KCNJ5: variants seen among roughly 807,000 people sequenced by gnomAD.
KCNJ5 encodes the protein G protein-activated inward rectifier potassium channel 4.
In KCNJ5, 12 loss-of-function variants were observed where a neutral mutation model predicts 20.2. That is an observed-to-expected ratio of 0.59 (90% CI 0.38 to 0.96). The LOEUF (loss-of-function observed/expected upper bound fraction) is 0.96. Among genes scored for constraint, KCNJ5 ranks in the 40% least tolerant of loss-of-function variants. The pLI is 0.00. For missense variants in KCNJ5, 449 were observed against 557.6 expected (o/e 0.81, Z 1.96); for synonymous variants, 210 against 213.9 (o/e 0.98, Z 0.16).
chr11:128,895,390 C>A (rs546132332), intron 1 of KCNJ5, among the ~76,000 whole-genome samples: 2 of 146,694 alleles, frequency 1.4e-5, no homozygotes, highest in African/African-American at 2.5e-5. Flanking sequence ...CCACCCCCCC[C>A]CCAACCCCAG....
At position 128,919,090 on chromosome 11, in the gene KCNJ5, C is replaced by T. The variant is rs1326772647; in HGVS notation, c.*2359C>T. 6.6e-6 allele frequency: 1 copy of T among 152,422 alleles called. No homozygotes were observed. Among genetic ancestry groups the T allele is most frequent in the Non-Finnish European group, 1.5e-5 (1 of 68,214 alleles). The allele number at this position is 152,422 out of a possible 1,614,324, so 9.4% of individuals were successfully genotyped here. On this transcript the variant is annotated 3_prime_UTR_variant, in exon 3 of 3. Coordinates refer to ENST00000529694, the MANE Select transcript of KCNJ5 (RefSeq NM_000890.5). ...CAGGGTTACTAACAGCAAAACCATT[C>T]CACACCCCCTTGCCAGATCTAAGCC...
chr11:128,911,717 A>T lies in KCNJ5; in HGVS notation c.444A>T (p.Thr148=). 1 of 1,614,160 alleles carries T rather than the reference A, an allele frequency of 6.2e-7. No homozygotes were observed. The highest frequency in any genetic ancestry group is 2.2e-5 in the East Asian group (1 of 44,876). ...TCCTGTTCTCCATTGAGACCGAAAC[A>T]ACCATTGGGTATGGCTTCCGAGTCA... ...SAFLFSIETE[T]TIGYGFRVIT... is the part of the protein sequence containing the mutation. The change falls in exon 2 of 3, where the codon ACA becomes ACT. Residue 148 remains threonine, a synonymous_variant. Coordinates refer to ENST00000529694, the MANE Select transcript of KCNJ5 (RefSeq NM_000890.5). The surrounding 1 kb of genome is among the most constrained non-coding windows in gnomAD (Gnocchi z 6.3).
chr11:128,907,461 T>C (rs1255544961), intron 1 of KCNJ5, among the ~76,000 whole-genome samples: 1 of 152,250 alleles, frequency 6.6e-6, no homozygotes, highest in Non-Finnish European at 1.5e-5. Flanking sequence ...CACTAACGCA[T>C]CATCTGAAAT....
intron 1 of KCNJ5, among the ~76,000 whole-genome samples, chr11:128,894,876 G>A (rs562304154): frequency 2.6e-5 from 4 of 152,304 alleles, no homozygotes; most frequent in South Asian, 4.1e-4. Flanking sequence ...GCCAAGAGCC[G>A]TGCTAAGTTA....
Position 128,896,756 on chromosome 11 carries a change from A to C in KCNJ5, c.-11+5035A>C, listed in dbSNP as rs185361063. Among the ~76,000 whole-genome samples the C allele has an allele frequency of 1.7e-3, 263 of 152,316 alleles. No homozygotes were observed. In the Middle Eastern group the frequency reaches 0.031, roughly 18 times the overall value. The stretch of plus-strand genomic sequence containing the variant: ...TCTGGGATGTTTTCACTTTGGGACT[A>C]TTATGAATAAAGTTGCTATAAGCAT... On this transcript the variant is annotated intron_variant, in intron 1 of 2. Transcript: ENST00000529694.
At chr11:128,896,325 T>C (rs967362357) in intron 1 of KCNJ5, among the ~76,000 whole-genome samples, 7 of 151,172 alleles carry the variant, frequency 4.6e-5, no homozygotes, top group Non-Finnish European at 1.0e-4. Context: ...AGCGGTAATA[T>C]TTTGCAAAAC....
At chr11:128,913,592 T>TTC (rs1188508048) in intron 2 of KCNJ5, among the ~76,000 whole-genome samples, 3 of 151,586 alleles carry the variant, frequency 2.0e-5, no homozygotes, top group African/African-American at 7.3e-5. Context: ...CTTTTTTTTT[T>TTC]CAACCAGGTA....
chr11:128,902,033 G>A (rs369878116), intron 1 of KCNJ5: 43 of 164,258 alleles, frequency 2.6e-4, no homozygotes, highest in Middle Eastern at 3.1e-3. Context: ...AGCCACCGGC[G>A]ACTCTAGCCA....
At chr11:128,916,029 AATGG>A (rs1944574203) in intron 2 of KCNJ5, among the ~76,000 whole-genome samples, 2 of 104,764 alleles carry the variant, frequency 1.9e-5, no homozygotes, top group Non-Finnish European at 4.0e-5. Flanking sequence ...TGGATGGATG[AATGG>A]ATGGATGGAT....
rs2135995071 is a variant in KCNJ5 at position 128,906,937 on chromosome 11, C to G, written c.-10-4327C>G. On this transcript the variant is annotated intron_variant, in intron 1 of 2. Transcript: ENST00000529694. ...TTCTGCCTACTTACAAGTGCCTTCT[C>G]TGTCCCCAGCATGTATTCTGGTGTT... Among the ~76,000 whole-genome samples the G allele has an allele frequency of 2.6e-5, 4 of 152,322 alleles. 1 individual carries two copies. The South Asian group carries it at 8.3e-4, about 32-fold the overall frequency.
intron 1 of KCNJ5, among the ~76,000 whole-genome samples, chr11:128,896,885 G>GT (rs1294368434): frequency 1.3e-5 from 2 of 151,712 alleles, no homozygotes; most frequent in Non-Finnish European, 2.9e-5. Context: ...TGTATGTTTA[G>GT]TTTTTTTTAT....
intron 1 of KCNJ5, among the ~76,000 whole-genome samples, chr11:128,903,819 G>C (rs762858433): frequency 1.6e-4 from 25 of 152,154 alleles, no homozygotes; most frequent in Admixed American, 3.9e-4. Flanking sequence ...CCTGGCTGGC[G>C]GGAAGTGACC....
At position 128,891,423 on chromosome 11, in the gene KCNJ5, C is replaced by CAGAG. The variant is rs1565540357; in HGVS notation, c.-308_-307insGAGA. The stretch of plus-strand genomic sequence containing the variant: ...ACACACACACACACACACACACACA[C>CAGAG]ACACACACACACACACACAGAGAGA... On this transcript the variant is annotated 5_prime_UTR_variant, in exon 1 of 3. Transcript: ENST00000529694. The CAGAG allele has an allele frequency of 1.2e-4, 13 of 108,610 alleles. No homozygotes were observed. The highest frequency in any genetic ancestry group is 4.0e-4 in the African/African-American group (10 of 24,916). The allele number at this position is 108,610 out of a possible 1,614,324, so 6.7% of individuals were successfully genotyped here. A position where few individuals can be genotyped will look rare whatever the true frequency, so the allele number is the denominator to read the frequency against.
intron 1 of KCNJ5, among the ~76,000 whole-genome samples, chr11:128,907,625 G>C (rs888774093): frequency 6.6e-6 from 1 of 152,168 alleles, no homozygotes; most frequent in African/African-American, 2.4e-5. Flanking sequence ...CACAGGAGAG[G>C]ATGGAAGAAG....
At chr11:128,894,753 G>T (rs994859338) in intron 1 of KCNJ5, among the ~76,000 whole-genome samples, 15 of 152,226 alleles carry the variant, frequency 9.9e-5, no homozygotes, top group African/African-American at 3.6e-4. Context: ...GGCGTGAGCG[G>T]CTGCCTCTGA....
rs760828949 is a variant in KCNJ5, at chr11:128,916,731, AG to A, written c.*4del. ...CCAGGGAGGCCAGGGGCTCGGTGTG[AG>A]GGGTGCAGCCTCCCTAAGACCTCCT... On this transcript the variant is annotated 3_prime_UTR_variant, in exon 3 of 3. Coordinates refer to ENST00000529694, the MANE Select transcript of KCNJ5 (RefSeq NM_000890.5). The A allele has an allele frequency of 1.3e-6, 2 of 1,595,392 alleles. No individual in the cohort carries two copies. Among genetic ancestry groups the A allele is most frequent in the African/African-American group, 1.3e-5 (1 of 74,504 alleles).
Position 128,908,794 on chromosome 11 carries a change from C to T in KCNJ5, c.-10-2470C>T, listed in dbSNP as rs576544116. Among the ~76,000 whole-genome samples, 5 of 152,242 alleles carry T rather than the reference C, an allele frequency of 3.3e-5. No homozygotes were observed. In the South Asian group the frequency reaches 8.3e-4, roughly 25 times the overall value. ...CCCAACCTCAGTGGCTCAGGGAGTC[C>T]GCAGCGGCACCCCCATTGGAAGCCT... On this transcript the variant is annotated intron_variant, in intron 1 of 2. Coordinates refer to ENST00000529694, the MANE Select transcript of KCNJ5 (RefSeq NM_000890.5).
intron 1 of KCNJ5, among the ~76,000 whole-genome samples, chr11:128,907,367 G>A (rs1159416014): frequency 4.6e-5 from 7 of 152,112 alleles, no homozygotes; most frequent in African/African-American, 1.4e-4. Context: ...TCTAGACCAC[G>A]CCATGACACC....
intron 1 of KCNJ5, among the ~76,000 whole-genome samples, chr11:128,904,201 C>G (rs558153748): frequency 6.6e-6 from 1 of 152,216 alleles, no homozygotes; most frequent in Non-Finnish European, 1.5e-5. Flanking sequence ...TGTTTGCTCC[C>G]CTGTTCTCAG....
Sources: gnomAD v4.1 joint callset for allele counts (sites outside exome capture counted in the v4.1 genomes callset) on GRCh38, gnomAD v4.1.1 for gene constraint, Gnocchi (gnomAD v3.1) non-coding constraint, MANE v1.5 for transcripts, NCBI Gene and HGNC (gene_info 2026-07-23, HGNC 2026-07-21) for gene names.